Variants in RIMBP2 observed in about 807,000 individuals in gnomAD.
RIMBP2 encodes the protein RIMS-binding protein 2.
A neutral mutation model predicts 118.6 loss-of-function variants in RIMBP2; 48 were observed. The ratio of observed to expected loss-of-function variants is 0.40; its 90% CI spans 0.32 to 0.51. RIMBP2 has a LOEUF of 0.51. RIMBP2 is among the 20% of genes least tolerant of loss of function. RIMBP2 has a pLI of 0.41. For synonymous variants in RIMBP2, 762 were observed against 742.9 expected (o/e 1.03, Z -0.42); for missense variants, 1,551 against 1,768.3 (o/e 0.88, Z 2.20).
chr12:130,399,866 A>G (rs909794649), intron 21 of RIMBP2, 53 bp from the exon 22 acceptor site: 3 of 1,599,816 alleles, frequency 1.9e-6, no homozygotes, highest in African/African-American at 2.7e-5. Flanking sequence ...AGAAACCCAC[A>G]TCTTGCTTTG....
At chr12:130,583,643 G>A (rs62644099) in intron 2 of RIMBP2, among the ~76,000 whole-genome samples, 13 of 145,454 alleles carry the variant, frequency 8.9e-5, no homozygotes, top group Admixed American at 4.1e-4. Flanking sequence ...AACCATTATC[G>A]CATCACCATC....
At chr12:130,677,615 G>A (rs560627445) in intron 1 of RIMBP2, among the ~76,000 whole-genome samples, 19 of 152,132 alleles carry the variant, frequency 1.2e-4, no homozygotes, top group East Asian at 5.8e-4. Flanking sequence ...GAGACAGAGC[G>A]GAACACTGTC....
At chr12:130,650,277 C>T (rs935688704) in intron 1 of RIMBP2, among the ~76,000 whole-genome samples, 2 of 152,108 alleles carry the variant, frequency 1.3e-5, no homozygotes, top group Admixed American at 1.3e-4. Flanking sequence ...AGCCAGCTGC[C>T]GGGTCCATTC....
In RIMBP2 at chr12:130,434,894, A is replaced by G; in HGVS notation, c.2107-14T>C. On this transcript the variant is annotated splice_polypyrimidine_tract_variant and intron_variant, in intron 13 of 22. Coordinates refer to ENST00000690449, the MANE Select transcript of RIMBP2 (RefSeq NM_001393629.1). The surrounding 1 kb of genome is among the most constrained non-coding windows in gnomAD (Gnocchi z 5.7). ...CCTTTTCTCTAACTTGGAAAGAAAAAGGAGGCACACGGGTGAGGCAGGGCC... is the reference window on the plus strand; with the variant it reads ...CCTTTTCTCTAACTTGGAAAGAAAAGGGAGGCACACGGGTGAGGCAGGGCC... 1 of 1,598,512 alleles carries G rather than the reference A, an allele frequency of 6.3e-7. No individual in the cohort carries two copies. The highest frequency in any genetic ancestry group is 8.5e-7 in the Non-Finnish European group (1 of 1,171,930).
chr12:130,664,447 GCACACACATGCACGCACA>G (rs2063824867), intron 1 of RIMBP2, among the ~76,000 whole-genome samples: 7 of 122,402 alleles, frequency 5.7e-5, no homozygotes, highest in Non-Finnish European at 8.9e-5. Context: ...ACGCACACAC[GCACACACATGCACGCACA>G]CACACGCACG....
At chr12:130,577,087 G>A (rs1038734932) in intron 2 of RIMBP2, among the ~76,000 whole-genome samples, 3 of 152,114 alleles carry the variant, frequency 2.0e-5, no homozygotes, top group South Asian at 2.1e-4. Flanking sequence ...TCCACTAAGC[G>A]CTGTTACTCT....
At chr12:130,496,638 G>A (rs866032038) in intron 4 of RIMBP2, among the ~76,000 whole-genome samples, 14 of 150,230 alleles carry the variant, frequency 9.3e-5, no homozygotes, top group South Asian at 2.1e-4. Context: ...CTTCTATGTC[G>A]GGCCCCCAGC....
At chr12:130,647,287 C>CG (rs1313725440) in intron 1 of RIMBP2, among the ~76,000 whole-genome samples, 2 of 152,094 alleles carry the variant, frequency 1.3e-5, no homozygotes, top group African/African-American at 4.8e-5. Context: ...CTCTTGAACC[C>CG]GGGGGGTGGA....
chr12:130,574,020 T>C (rs556084188), intron 2 of RIMBP2, among the ~76,000 whole-genome samples: 2 of 152,214 alleles, frequency 1.3e-5, no homozygotes, highest in East Asian at 3.9e-4. Flanking sequence ...GTCTGTCTCC[T>C]AGAGTGGGTT....
chr12:130,438,335 A>AGCCCACCCC, intron 12 of RIMBP2, 30 bp downstream of exon 12: 1 of 865,012 alleles, frequency 1.2e-6, no homozygotes, highest in African/African-American at 1.7e-5. Context: ...GGCCTAACAA[A>AGCCCACCCC]CCCTCCCCAC....
chr12:130,406,192 C>T lies in RIMBP2; in HGVS notation c.3745G>A (p.Asp1249Asn), dbSNP rs149362790. 262 of 1,592,128 alleles carry T rather than the reference C, an allele frequency of 1.6e-4. 1 individual carries two copies. Among genetic ancestry groups the T allele is most frequent in the Non-Finnish European group, 2.8e-5 (33 of 1,161,906 alleles). ...GDIITVFGEI[D>N]EDGFYYGELN... ...CTTACATAATAAAATCCATCTTCATCAATTTCACCAAAAACTGTAATAATA... is the reference window on the plus strand; with the variant it reads ...CTTACATAATAAAATCCATCTTCATTAATTTCACCAAAAACTGTAATAATA... Residue 1249 changes from aspartate to asparagine, a missense_variant, in exon 21 of 23, where the codon GAT becomes AAT. Around this residue, in one of 5 missense-constraint regions of RIMBP2, gnomAD observed 1,038 missense variants for 1,125.1 expected, o/e 0.92. Transcript: ENST00000690449.
chr12:130,403,898 T>C (rs2074898019), intron 21 of RIMBP2, among the ~76,000 whole-genome samples: 1 of 152,188 alleles, frequency 6.6e-6, no homozygotes, highest in African/African-American at 2.4e-5. Flanking sequence ...AAACTAAAAC[T>C]TTCTTAGCAT....
chr12:130,667,066 AGG>A (rs1347005658), intron 1 of RIMBP2, among the ~76,000 whole-genome samples: 1,410 of 59,012 alleles, frequency 0.024, 144 homozygotes, highest in African/African-American at 0.081. Context: ...AAAAGGAAGA[AGG>A]GAGGGAGGAA....
At position 130,447,168 on chromosome 12, in the gene RIMBP2, C is replaced by T. The variant is rs2078597767; in HGVS notation, c.582-1899G>A. ...ACCTGACGCTCAGGAAGAGAAGCTT[C>T]CCCAGGGAGCAGGTAGGGAAGACAC... On this transcript the variant is annotated intron_variant, in intron 9 of 22. Coordinates refer to ENST00000690449, the MANE Select transcript of RIMBP2 (RefSeq NM_001393629.1). This position sits in a 1 kb window ranked among gnomAD's most constrained non-coding sequence, Gnocchi z 4.4. 6.6e-6 allele frequency among the ~76,000 whole-genome samples: 1 copy of T among 151,758 alleles called. No homozygotes were observed. Among genetic ancestry groups the T allele is most frequent in the South Asian group, 2.1e-4 (1 of 4,764 alleles).
chr12:130,467,794 A>G (rs1372822750), intron 6 of RIMBP2, among the ~76,000 whole-genome samples: 1 of 152,194 alleles, frequency 6.6e-6, no homozygotes, highest in Admixed American at 6.5e-5. Flanking sequence ...TAAAATGTAT[A>G]AAAGCAAGCT....
At chr12:130,609,561 G>A (rs1040402275) in intron 2 of RIMBP2, among the ~76,000 whole-genome samples, 7 of 147,800 alleles carry the variant, frequency 4.7e-5, no homozygotes, top group South Asian at 2.1e-4. Flanking sequence ...GGTTAGTCAG[G>A]GTTCCCTGGA....
At chr12:130,682,251 G>A (rs544516968) in intron 1 of RIMBP2, among the ~76,000 whole-genome samples, 1 of 151,992 alleles carries the variant, frequency 6.6e-6, no homozygotes, top group Admixed American at 6.6e-5. Flanking sequence ...CCCAGCCAGA[G>A]AGCCTCGTCT....
chr12:130,479,110 C>G (rs113231180), intron 4 of RIMBP2, 94 bp from the exon 5 acceptor site: 1 of 1,005,722 alleles, frequency 9.9e-7, no homozygotes, highest in African/African-American at 1.6e-5. Context: ...TGACTCAGCC[C>G]GGTCACTCCA....
chr12:130,539,156 G>A (rs1219404858), intron 2 of RIMBP2, among the ~76,000 whole-genome samples: 1 of 152,036 alleles, frequency 6.6e-6, no homozygotes, highest in Non-Finnish European at 1.5e-5. Flanking sequence ...GAGCTTTGGG[G>A]GAGAATATAT....
Sources: allele counts gnomAD v4.1 joint callset (sites outside exome capture counted in the v4.1 genomes callset), GRCh38; gene constraint gnomAD v4.1.1; regional missense constraint gnomAD v4.1.1; non-coding constraint Gnocchi (gnomAD v3.1); transcripts MANE v1.5; gene names NCBI Gene and HGNC (gene_info 2026-07-23, HGNC 2026-07-21).